The following RIN2 variants were observed in gnomAD, a reference collection of about 807,000 sequenced individuals.
The protein encoded by RIN2 is RAB5 interacting protein 2.
RIN2 carries 36 observed loss-of-function variants against 78.0 expected under a neutral mutation model. The observed-to-expected ratio is 0.46, with a 90% confidence interval of 0.35 to 0.61. The LOEUF is 0.61. Among genes scored for constraint, RIN2 ranks in the 20% least tolerant of loss-of-function variants. The pLI, the probability that RIN2 is intolerant of heterozygous loss-of-function variation, is 0.00. For synonymous variants in RIN2, 466 were observed against 466.8 expected, an observed-to-expected ratio of 1.00 and a Z score of 0.02; for missense variants, 1,087 against 1,159.7, an observed-to-expected ratio of 0.94 and a Z score of 0.91.
chr20:19,857,128 A>G lies in RIN2; in HGVS notation c.-36-32438A>G, dbSNP rs561156341. Reference sequence around the variant, plus strand: ...TGGTTTCCTGTCCCTTTCCTAGTCAATGCCTCCCTAAACAAGAATACCCAT... The same window carrying G: ...TGGTTTCCTGTCCCTTTCCTAGTCAGTGCCTCCCTAAACAAGAATACCCAT... On this transcript the variant is annotated intron_variant, in intron 2 of 12. Coordinates refer to ENST00000255006, the MANE Select transcript of RIN2 (RefSeq NM_018993.4). Among the ~76,000 whole-genome samples, 43 of 152,232 alleles carry G rather than the reference A, an allele frequency of 2.8e-4. No individual in the cohort carries two copies. The South Asian group carries it at 8.7e-3, about 31-fold the overall frequency.
chr20:19,764,181 T>G (rs924499033), intron 1 of RIN2, among the ~76,000 whole-genome samples: 2 of 152,234 alleles, frequency 1.3e-5, no homozygotes, highest in Non-Finnish European at 2.9e-5. Context: ...AAAGCTAGAT[T>G]AAATAGTTAG....
chr20:19,788,853 G>A (rs2034797099), intron 1 of RIN2, among the ~76,000 whole-genome samples: 3 of 152,132 alleles, frequency 2.0e-5, no homozygotes, highest in Admixed American at 6.5e-5. Flanking sequence ...GTGATCTACG[G>A]ACTCATTAAA....
intron 1 of RIN2, among the ~76,000 whole-genome samples, chr20:19,790,436 C>T (rs1027939661): frequency 1.2e-4 from 19 of 152,098 alleles, no homozygotes; most frequent in Admixed American, 9.8e-4. Flanking sequence ...TACAGAATAT[C>T]CATTTATTCC....
At chr20:19,856,503 A>G (rs1001255166) in intron 2 of RIN2, among the ~76,000 whole-genome samples, 3 of 146,728 alleles carry the variant, frequency 2.0e-5, no homozygotes, top group African/African-American at 7.5e-5. Context: ...ACTGTACTCC[A>G]GGCTGGGAGA....
intron 3 of RIN2, among the ~76,000 whole-genome samples, chr20:19,909,871 T>A (rs946014689): frequency 6.6e-6 from 1 of 152,152 alleles, no homozygotes; most frequent in African/African-American, 2.4e-5. Flanking sequence ...GTGGTGCGGC[T>A]ACTAGTAAAT....
chr20:19,972,637 G>A (rs1055941305), intron 8 of RIN2, among the ~76,000 whole-genome samples: 1 of 152,140 alleles, frequency 6.6e-6, no homozygotes, highest in Non-Finnish European at 1.5e-5. Context: ...AGGACTCAAG[G>A]GTTAATAAGA....
In RIN2 at chr20:19,767,197, C is replaced by T. The variant is rs144287452; in HGVS notation, c.-163+8870C>T. Among the ~76,000 whole-genome samples the T allele has an allele frequency of 1.7e-3, 259 of 152,288 alleles. 2 individuals are homozygous for T. The highest frequency in any genetic ancestry group is 5.9e-3 in the African/African-American group (244 of 41,568). ...ACAGCCGTGTAGAAATGTGACTGGA[C>T]AAACAGTCTGATTGAGTGCGAACAG... On this transcript the variant is annotated intron_variant, in intron 1 of 12. Coordinates refer to ENST00000255006, the MANE Select transcript of RIN2 (RefSeq NM_018993.4).
At chr20:19,803,543 A>G (rs895200857) in intron 2 of RIN2, among the ~76,000 whole-genome samples, 4 of 152,244 alleles carry the variant, frequency 2.6e-5, no homozygotes, top group Non-Finnish European at 5.9e-5. Context: ...AGGCATATGC[A>G]GAAAATTGAA....
Position 19,975,898 on chromosome 20 carries a change from A to G in RIN2, c.1762+111A>G, listed in dbSNP as rs2042265286. 1.0e-6 allele frequency: 1 copy of G among 995,642 alleles called. No individual in the cohort carries two copies. Among genetic ancestry groups the G allele is most frequent in the East Asian group, 2.6e-5 (1 of 38,318 alleles). The allele number at this position is 995,642 out of a possible 1,614,324, so 61.7% of individuals were successfully genotyped here. On this transcript the variant is annotated intron_variant, in intron 9 of 12. Coordinates refer to ENST00000255006, the MANE Select transcript of RIN2 (RefSeq NM_018993.4). The surrounding 1 kb of genome is among the most constrained non-coding windows in gnomAD (Gnocchi z 4.9). ...TACTCCGAAGTTCAAAACAACACCC[A>G]GCTCCACCTTCTCTCCCGGTTTGAA...
intron 4 of RIN2, among the ~76,000 whole-genome samples, chr20:19,936,578 G>A (rs1162663026): frequency 6.6e-6 from 1 of 152,192 alleles, no homozygotes; most frequent in Non-Finnish European, 1.5e-5. Flanking sequence ...CAGACACAGA[G>A]CGGCGGAAAC....
intron 1 of RIN2, among the ~76,000 whole-genome samples, chr20:19,798,275 C>T (rs781551680): frequency 1.3e-5 from 2 of 152,024 alleles, no homozygotes; most frequent in Non-Finnish European, 2.9e-5. Flanking sequence ...GACTGAAGCC[C>T]AAGTATGTTG....
At chr20:19,764,091 T>C (rs561138559) in intron 1 of RIN2, among the ~76,000 whole-genome samples, 44 of 152,190 alleles carry the variant, frequency 2.9e-4, no homozygotes, top group Non-Finnish European at 6.0e-4. Flanking sequence ...AGTAAGTTAA[T>C]CCAATAAATT....
At chr20:19,759,304 A>G (rs1015210255) in intron 1 of RIN2, among the ~76,000 whole-genome samples, 5 of 152,130 alleles carry the variant, frequency 3.3e-5, no homozygotes, top group African/African-American at 1.2e-4. Flanking sequence ...GGTTTTGGGC[A>G]CATTGGGGTT....
rs2043162933 is a variant in RIN2, at chr20:20,002,443, A to AT, written c.*1512dup. The AT allele has an allele frequency of 3.9e-5, 6 of 152,338 alleles. No homozygotes were observed. Among genetic ancestry groups the AT allele is most frequent in the Non-Finnish European group, 7.4e-5 (5 of 68,006 alleles). The allele number at this position is 152,338 out of a possible 1,614,324, so 9.4% of individuals were successfully genotyped here. ...TGTATGATAATCATGTGTGAAAATA[A>AT]TTTTTGAAATATCCTTTGGCTGTTT... On this transcript the variant is annotated 3_prime_UTR_variant, in exon 13 of 13. Coordinates refer to ENST00000255006, the MANE Select transcript of RIN2 (RefSeq NM_018993.4).
At chr20:19,841,773 G>T (rs1200202314) in intron 2 of RIN2, among the ~76,000 whole-genome samples, 3 of 152,212 alleles carry the variant, frequency 2.0e-5, no homozygotes, top group Non-Finnish European at 4.4e-5. Flanking sequence ...TAAGTCACAT[G>T]AGGAAGCTGC....
intron 1 of RIN2, among the ~76,000 whole-genome samples, chr20:19,781,873 C>T (rs770626734): frequency 6.6e-6 from 1 of 151,762 alleles, no homozygotes; most frequent in Non-Finnish European, 1.5e-5. Context: ...GTGCCCCCTA[C>T]AGCTAGGAAT....
At chr20:19,774,693 C>T (rs1375950734) in intron 1 of RIN2, among the ~76,000 whole-genome samples, 1 of 152,238 alleles carries the variant, frequency 6.6e-6, no homozygotes, top group African/African-American at 2.4e-5. Flanking sequence ...TTGTACTTCC[C>T]TGAATCTCCA....
In RIN2 at chr20:19,956,692, G is replaced by A; in HGVS notation, c.236G>A (p.Ser79Asn). The change falls in exon 5 of 13, where the codon AGC becomes AAC. Residue 79 changes from serine to asparagine, a missense_variant. Ser to Asn is a conservative substitution (Grantham distance 46, BLOSUM62 1). Around this residue, in one of 8 missense-constraint regions of RIN2, gnomAD observed 706 missense variants for 667.5 expected, o/e 1.06. Transcript: ENST00000255006. Reference protein sequence around the residue: ...KTCARDSGYDSLSNRLSILDR... With the variant: ...KTCARDSGYDNLSNRLSILDR... ...TGTGCCCGGGACTCAGGCTATGACA[G>A]CCTCTCCAACAGGCTCAGCATCTTG... is the stretch of plus-strand genomic sequence containing the variant. The A allele has an allele frequency of 1.2e-6, 2 of 1,612,708 alleles. No individual in the cohort carries two copies. Among genetic ancestry groups the A allele is most frequent in the Non-Finnish European group, 1.7e-6 (2 of 1,179,420 alleles).
chr20:19,784,963 T>TA (rs2034625692), intron 1 of RIN2, among the ~76,000 whole-genome samples: 1 of 151,966 alleles, frequency 6.6e-6, no homozygotes, highest in Admixed American at 6.6e-5. Flanking sequence ...GCAAAAAGAA[T>TA]AAAATAAAGG....
Sources: gnomAD v4.1 joint callset for allele counts (sites outside exome capture counted in the v4.1 genomes callset) on GRCh38, gnomAD v4.1.1 for gene constraint, gnomAD v4.1.1 regional missense constraint, Gnocchi (gnomAD v3.1) non-coding constraint, MANE v1.5 for transcripts, NCBI Gene and HGNC (gene_info 2026-07-23, HGNC 2026-07-21) for gene names.